Variants in CCSER1 observed in about 807,000 individuals in gnomAD.
The protein encoded by CCSER1 is coiled-coil serine rich protein 1.
CCSER1 carries 41 observed loss-of-function variants against 82.0 expected under a neutral mutation model. That is an observed-to-expected ratio of 0.50 (90% confidence interval 0.39 to 0.65). CCSER1 has a LOEUF of 0.65. Among genes scored for constraint, CCSER1 ranks in the 30% least tolerant of loss-of-function variants. The pLI is 0.00. For missense variants in CCSER1, 1,119 were observed against 1,064.2 expected (o/e 1.05, Z -0.72); for synonymous variants, 414 against 383.9 (o/e 1.08, Z -0.92).
chr4:90,398,572 T>C (rs902849033), intron 3 of CCSER1, among the ~76,000 whole-genome samples: 12 of 152,206 alleles, frequency 7.9e-5, no homozygotes, highest in African/African-American at 2.9e-4. Context: ...TGTTTTGTTG[T>C]TGTTGTTTTA....
At chr4:91,473,731 C>T (rs1757410952) in intron 10 of CCSER1, among the ~76,000 whole-genome samples, 1 of 152,094 alleles carries the variant, frequency 6.6e-6, no homozygotes, top group South Asian at 2.1e-4. Context: ...CTCAGAAAAT[C>T]ATGGCTATTA....
At position 90,388,589 on chromosome 4, in the gene CCSER1, C is replaced by T. The variant is rs183654762; in HGVS notation, c.1510-11447C>T. Among the ~76,000 whole-genome samples the T allele has an allele frequency of 7.5e-3, 1,128 of 150,964 alleles. 19 individuals carry two copies. The highest frequency in any genetic ancestry group is 0.055 in the South Asian group (260 of 4,748). On this transcript the variant is annotated intron_variant, in intron 3 of 10. Coordinates refer to ENST00000509176, the MANE Select transcript of CCSER1 (RefSeq NM_001145065.2). ...CCTCCCAAAGTGCTGGAATTACAGG[C>T]GTGAGCCACCACGCCCGGCCCATTT...
chr4:90,549,864 T>C (rs1427282129), intron 5 of CCSER1, among the ~76,000 whole-genome samples: 2 of 151,170 alleles, frequency 1.3e-5, no homozygotes, highest in South Asian at 2.1e-4. Flanking sequence ...TTTAAGTACA[T>C]AATAAAAGGA....
At chr4:91,083,028 G>C (rs1200158837) in intron 9 of CCSER1, among the ~76,000 whole-genome samples, 1 of 152,008 alleles carries the variant, frequency 6.6e-6, no homozygotes, top group Non-Finnish European at 1.5e-5. Context: ...CTAGAACTAG[G>C]AATAGCATTT....
chr4:90,392,891 A>C (rs1751414432), intron 3 of CCSER1, among the ~76,000 whole-genome samples: 1 of 152,190 alleles, frequency 6.6e-6, no homozygotes, highest in African/African-American at 2.4e-5. Context: ...TCAGAGCCAA[A>C]TAACTATCCT....
At chr4:91,103,836 GGT>G (rs1484277116) in intron 10 of CCSER1, among the ~76,000 whole-genome samples, 1 of 152,116 alleles carries the variant, frequency 6.6e-6, no homozygotes, top group Non-Finnish European at 1.5e-5. Context: ...ACAACCATAA[GGT>G]GTGACTGCCT....
chr4:90,919,891 C>G (rs953192707), intron 8 of CCSER1, among the ~76,000 whole-genome samples: 8 of 151,846 alleles, frequency 5.3e-5, no homozygotes, highest in African/African-American at 1.9e-4. Flanking sequence ...TTTTTCTAAG[C>G]ACACATGTTT....
Position 90,312,931 on chromosome 4 carries a change from GA to G in CCSER1, c.1395del (p.Gly466AlafsTer8). The G allele has an allele frequency of 6.3e-7, 1 of 1,589,338 alleles. No homozygotes were observed. Among genetic ancestry groups the G allele is most frequent in the South Asian group, 1.1e-5 (1 of 87,194 alleles). ...FIERRLRSSS[E>X]GTAGSSRMIL... ...AGAGAGGAGACTGCGATCCTCGTCA[GA>G]AGGCACTGCAGGGAGTAGCAGAATG... On this transcript the variant is annotated frameshift_variant, in exon 3 of 11. Coordinates refer to ENST00000509176, the MANE Select transcript of CCSER1 (RefSeq NM_001145065.2). LOFTEE classifies it high-confidence loss of function.
At chr4:91,208,402 G>A (rs1736526557) in intron 10 of CCSER1, among the ~76,000 whole-genome samples, 1 of 151,790 alleles carries the variant, frequency 6.6e-6, no homozygotes, top group African/African-American at 2.4e-5. Flanking sequence ...GTTGATTTTT[G>A]TATTTGGTGT....
intron 10 of CCSER1, among the ~76,000 whole-genome samples, chr4:91,170,396 A>T (rs1192526645): frequency 6.6e-6 from 1 of 152,178 alleles, no homozygotes; most frequent in Non-Finnish European, 1.5e-5. Context: ...GCAAAAAATG[A>T]CAGAGACAAA....
chr4:90,366,268 G>A (rs1354224911), intron 3 of CCSER1, among the ~76,000 whole-genome samples: 1 of 149,404 alleles, frequency 6.7e-6, no homozygotes, highest in African/African-American at 2.4e-5. Flanking sequence ...ATTTATAACA[G>A]CTGAAGACAA....
At chr4:90,707,854 C>T (rs1739701570) in intron 6 of CCSER1, among the ~76,000 whole-genome samples, 1 of 152,138 alleles carries the variant, frequency 6.6e-6, no homozygotes, top group South Asian at 2.1e-4. Context: ...AGGCCTCACT[C>T]TCAGAATTTA....
chr4:91,464,566 A>T (rs936025561), intron 10 of CCSER1, among the ~76,000 whole-genome samples: 3 of 152,234 alleles, frequency 2.0e-5, no homozygotes, highest in Non-Finnish European at 4.4e-5. Flanking sequence ...GGCAAATCAG[A>T]TAAAGAATCA....
At chr4:90,911,154 G>A in intron 8 of CCSER1, 2 of 382,044 alleles carry the variant, frequency 5.2e-6, no homozygotes, top group South Asian at 4.2e-5. Context: ...TCTGGGTAAT[G>A]ATTGCATAAG....
At chr4:90,194,516 CAT>C (rs1171872066) in intron 1 of CCSER1, among the ~76,000 whole-genome samples, 2 of 151,964 alleles carry the variant, frequency 1.3e-5, no homozygotes, top group East Asian at 3.9e-4. Context: ...TGCTTTAAAA[CAT>C]ATGATTCTTT....
At chr4:90,133,850 T>C (rs563261903) in intron 1 of CCSER1, among the ~76,000 whole-genome samples, 8 of 152,216 alleles carry the variant, frequency 5.3e-5, no homozygotes, top group Non-Finnish European at 1.2e-4. Flanking sequence ...GTCCAGCACA[T>C]AGTAGACGCC....
At chr4:90,946,250 A>C (rs1181205293) in intron 9 of CCSER1, among the ~76,000 whole-genome samples, 1 of 152,200 alleles carries the variant, frequency 6.6e-6, no homozygotes, top group Non-Finnish European at 1.5e-5. Context: ...CTGCTGTGAC[A>C]ATGTTCTAAG....
At chr4:90,184,773 G>A (rs1423751494) in intron 1 of CCSER1, among the ~76,000 whole-genome samples, 2 of 152,006 alleles carry the variant, frequency 1.3e-5, no homozygotes, top group African/African-American at 4.8e-5. Context: ...TGGCAATGTG[G>A]TGATGATCTT....
chr4:90,356,451 T>C (rs1288068529), intron 3 of CCSER1, among the ~76,000 whole-genome samples: 2 of 151,660 alleles, frequency 1.3e-5, no homozygotes, highest in Non-Finnish European at 1.5e-5. Context: ...AACTCTATAG[T>C]TTACAGTGTC....
Sources: allele counts gnomAD v4.1 joint callset (sites outside exome capture counted in the v4.1 genomes callset), GRCh38; gene constraint gnomAD v4.1.1; transcripts MANE v1.5; gene names NCBI Gene and HGNC (gene_info 2026-07-23, HGNC 2026-07-21).